Variants in SLC30A5 observed in about 807,000 individuals in gnomAD.
The protein encoded by SLC30A5 is solute carrier family 30 member 5, also known as proton-coupled zinc antiporter SLC30A5.
SLC30A5 carries 33 observed loss-of-function variants against 79.6 expected under a neutral mutation model. The observed-to-expected ratio is 0.41, with a 90% CI of 0.31 to 0.55. SLC30A5 has a LOEUF of 0.55. SLC30A5 is among the 20% of genes least tolerant of loss of function. The probability of loss-of-function intolerance (pLI) is 0.20; values close to 1 mark genes in which losing one functional copy is unlikely to be tolerated. For missense variants in SLC30A5, 788 were observed against 928.1 expected (o/e 0.85, Z 1.96); for synonymous variants, 299 against 319.7 (o/e 0.94, Z 0.69).
At chr5:69,104,144 C>G in intron 3 of SLC30A5, 1 of 1,263,376 alleles carries the variant, frequency 7.9e-7, no homozygotes, top group South Asian at 1.6e-5. Flanking sequence ...TTTTTTTTTT[C>G]TTTCTTTTTT....
chr5:69,105,625 T>G (rs1174572897), intron 4 of SLC30A5, among the ~76,000 whole-genome samples: 3 of 152,016 alleles, frequency 2.0e-5, no homozygotes, highest in Non-Finnish European at 2.9e-5. Flanking sequence ...GCCACTGCAC[T>G]GCAGGCTGGG....
chr5:69,116,520 C>T lies in SLC30A5; in HGVS notation c.1199C>T (p.Pro400Leu). The T allele has an allele frequency of 6.2e-7, 1 of 1,612,010 alleles. No individual in the cohort carries two copies. The highest frequency in any genetic ancestry group is 8.5e-7 in the Non-Finnish European group (1 of 1,179,426). Residue 400 changes from proline to leucine, a missense_variant, in exon 10 of 16, where the codon CCT becomes CTT. Coordinates refer to ENST00000396591, the MANE Select transcript of SLC30A5 (RefSeq NM_022902.5). The surrounding 1 kb of genome is among the most constrained non-coding windows in gnomAD (Gnocchi z 4.0). The part of the protein sequence containing the change: ...DAFQHSSQSI[P>L]RFIKESLKQI... ...TTTCAGCATAGCTCTCAATCGATCC[C>T]TAGGTTTATTAAGGAATCACTAAAA... is the stretch of plus-strand genomic sequence containing the variant.
At chr5:69,101,744 G>T (rs1384029116) in intron 2 of SLC30A5, among the ~76,000 whole-genome samples, 1 of 151,096 alleles carries the variant, frequency 6.6e-6, no homozygotes, top group Non-Finnish European at 1.5e-5. Context: ...ATCGCCTGAG[G>T]TCAGGAGTTG....
At chr5:69,102,638 T>C (rs1260898030) in intron 2 of SLC30A5, 1 of 152,118 alleles carries the variant, frequency 6.6e-6, no homozygotes, top group Non-Finnish European at 1.5e-5. Context: ...GGCAGGCGGA[T>C]CACCTGAAGT....
rs1045373187 is a variant in SLC30A5, at chr5:69,116,322, C to T, written c.1073-72C>T. On this transcript the variant is annotated intron_variant, in intron 9 of 15. Coordinates refer to ENST00000396591, the MANE Select transcript of SLC30A5 (RefSeq NM_022902.5). The surrounding 1 kb of genome is among the most constrained non-coding windows in gnomAD (Gnocchi z 4.0). ...ATTCTTCAGTGCTTGCATTTAGTGCCGACAGTTACTGTGTTGGTTTTGGTA... is the reference window on the plus strand; with the variant it reads ...ATTCTTCAGTGCTTGCATTTAGTGCTGACAGTTACTGTGTTGGTTTTGGTA... 1.8e-5 allele frequency: 27 copies of T among 1,490,418 alleles called. No individual in the cohort carries two copies. In the African/African-American group the frequency reaches 2.5e-4, roughly 14 times the overall value. 92.3% of individuals were successfully genotyped at this position (1,490,418 alleles called of 1,614,324 possible). A position where few individuals can be genotyped will look rare whatever the true frequency, so the allele number is the denominator to read the frequency against.
intron 1 of SLC30A5, among the ~76,000 whole-genome samples, chr5:69,100,295 G>A (rs533298460): frequency 1.3e-5 from 2 of 152,060 alleles, no homozygotes; most frequent in South Asian, 2.1e-4. Context: ...TCACTCTGTC[G>A]CCCAGGCTGG....
At chr5:69,118,311 G>GTGTATATATATATATATATATATATA (rs1321743509) in intron 11 of SLC30A5, 188 bp from the exon 12 acceptor site, 2 of 157,680 alleles carry the variant, frequency 1.3e-5, no homozygotes, top group Admixed American at 8.4e-5. Context: ...ATATATATGT[G>GTGTATATATATATATATATATATATA]TATATATATA....
intron 2 of SLC30A5, among the ~76,000 whole-genome samples, chr5:69,102,050 CTTT>C (rs758327246): frequency 1.0e-5 from 1 of 99,388 alleles, no homozygotes; most frequent in African/African-American, 4.3e-5. Context: ...CAGTGACGTG[CTTT>C]TTTTTTTTTT....
At chr5:69,105,612 C>T (rs1193034114) in intron 4 of SLC30A5, among the ~76,000 whole-genome samples, 1 of 152,038 alleles carries the variant, frequency 6.6e-6, no homozygotes, top group African/African-American at 2.4e-5. Context: ...GAGCCGAGAT[C>T]ACGCCACTGC....
intron 1 of SLC30A5, among the ~76,000 whole-genome samples, chr5:69,099,266 G>A (rs1342933130): frequency 6.6e-6 from 1 of 152,124 alleles, no homozygotes; most frequent in Non-Finnish European, 1.5e-5. Flanking sequence ...CCTGGACTCC[G>A]TAATTGTTAA....
At chr5:69,111,644 C>A (rs966407556) in intron 5 of SLC30A5, among the ~76,000 whole-genome samples, 2 of 152,202 alleles carry the variant, frequency 1.3e-5, no homozygotes, top group Non-Finnish European at 2.9e-5. Flanking sequence ...ACAAAATTCT[C>A]AGTTGCCTTC....
Position 69,113,863 on chromosome 5 carries a change from T to G in SLC30A5, c.536-557T>G, listed in dbSNP as rs190187897. On this transcript the variant is annotated intron_variant, in intron 6 of 15. Coordinates refer to ENST00000396591, the MANE Select transcript of SLC30A5 (RefSeq NM_022902.5). ...ACTTATTAGTAAACTAATAATAATT[T>G]TCTTTGTTACAGTGAGGGAGAAGAG... Among the ~76,000 whole-genome samples the G allele has an allele frequency of 6.5e-3, 989 of 152,338 alleles. 10 individuals are homozygous for G. Among genetic ancestry groups the G allele is most frequent in the African/African-American group, 0.022 (932 of 41,576 alleles).
rs777048220 is a variant in SLC30A5, at chr5:69,117,337, C to T, written c.1380C>T (p.Val460=). ...TGCTTTTTGACTGCTCTGCTTTAGTCATGGGACTTTTTGCTGCCCTGATGA... is the reference window on the plus strand; with the variant it reads ...TGCTTTTTGACTGCTCTGCTTTAGTTATGGGACTTTTTGCTGCCCTGATGA... ...FHMLFDCSAL[V]MGLFAALMSR... Residue 460 remains valine (V), a synonymous_variant, in exon 11 of 16, where the codon GTC becomes GTT. Transcript: ENST00000396591. The T allele has an allele frequency of 6.8e-6, 11 of 1,613,900 alleles. 1 individual carries two copies. In the South Asian group the frequency reaches 9.9e-5, roughly 14 times the overall value.
At position 69,121,896 on chromosome 5, in the gene SLC30A5, G is replaced by C; in HGVS notation, c.1771+1G>C. 1.2e-6 allele frequency: 2 copies of C among 1,610,454 alleles called. No individual in the cohort carries two copies. Among genetic ancestry groups the C allele is most frequent in the Non-Finnish European group, 1.7e-6 (2 of 1,178,132 alleles). ...GGAGGCATGAATGCTAACATGAGGG[G>C]TGAGTCCTTGCAAAATATTATCCTA... is the stretch of plus-strand genomic sequence containing the variant. On this transcript the variant is annotated splice_donor_variant, in intron 13 of 15. Coordinates refer to ENST00000396591, the MANE Select transcript of SLC30A5 (RefSeq NM_022902.5). LOFTEE classifies it high-confidence loss of function.
In SLC30A5 at chr5:69,104,693, C is replaced by T; in HGVS notation, c.336C>T (p.Gly112=). 2 of 1,591,934 alleles carry T rather than the reference C, an allele frequency of 1.3e-6. No homozygotes were observed. Among genetic ancestry groups the T allele is most frequent in the East Asian group, 2.3e-5 (1 of 43,856 alleles). ...GCIISLLWFF[G]LTLCGPLRTL... ...TTATTTCACTCTTGTGGTTTTTTGG[C>T]CTCACTCTTTGTGGACCACTAAGGT... The change falls in exon 4 of 16, where the codon GGC becomes GGT. Residue 112 remains glycine, a synonymous_variant. Coordinates refer to ENST00000396591, the MANE Select transcript of SLC30A5 (RefSeq NM_022902.5).
chr5:69,126,430 G>A (rs1349802680), intron 14 of SLC30A5, among the ~76,000 whole-genome samples: 3 of 150,072 alleles, frequency 2.0e-5, no homozygotes, highest in South Asian at 2.2e-4. Flanking sequence ...GTGAGCCACC[G>A]CGCCTGGCCT....
rs1746751830 is a variant in SLC30A5 at position 69,128,115 on chromosome 5, C to T, written c.2110C>T (p.Gln704Ter). The T allele has an allele frequency of 6.2e-7, 1 of 1,610,514 alleles. No homozygotes were observed. The highest frequency in any genetic ancestry group is 8.5e-7 in the Non-Finnish European group (1 of 1,178,394). Residue 704 changes from glutamine (Q) to a stop codon, truncating the protein, a stop_gained, in exon 15 of 16, where the codon CAA (glutamine) becomes TAA (stop). Coordinates refer to ENST00000396591, the MANE Select transcript of SLC30A5 (RefSeq NM_022902.5). LOFTEE classifies it high-confidence loss of function. Reference sequence around the variant, plus strand: ...ACAGGTGACATCTGATGTGCTAGAACAAAGAATAGTACAGCAGGTAATCTT... The same window carrying T: ...ACAGGTGACATCTGATGTGCTAGAATAAAGAATAGTACAGCAGGTAATCTT... ...HIQVTSDVLEQRIVQQVTGIL... is the reference protein window; with the variant it reads ...HIQVTSDVLE
At position 69,123,189 on chromosome 5, in the gene SLC30A5, T is replaced by C. The variant is rs753012573; in HGVS notation, c.1772-10T>C. The C allele has an allele frequency of 5.1e-6, 8 of 1,564,690 alleles. No homozygotes were observed. The highest frequency in any genetic ancestry group is 6.1e-6 in the Non-Finnish European group (7 of 1,149,668). The stretch of plus-strand genomic sequence containing the variant: ...TTAATTTTTAATGTCCTTATATATT[T>C]TATTTGTAGGTGTATTTCTACATGT... On this transcript the variant is annotated splice_polypyrimidine_tract_variant and intron_variant, in intron 13 of 15. Transcript: ENST00000396591.
At chr5:69,110,029 T>C (rs1395606406) in intron 5 of SLC30A5, among the ~76,000 whole-genome samples, 2 of 152,214 alleles carry the variant, frequency 1.3e-5, no homozygotes, top group African/African-American at 4.8e-5. Flanking sequence ...ATAACATTGC[T>C]GACCCCCTAC....
Sources: gnomAD v4.1 joint callset for allele counts (sites outside exome capture counted in the v4.1 genomes callset) on GRCh38, gnomAD v4.1.1 for gene constraint, Gnocchi (gnomAD v3.1) non-coding constraint, MANE v1.5 for transcripts, NCBI Gene and HGNC (gene_info 2026-07-23, HGNC 2026-07-21) for gene names.